RPS6KA2: variants seen among roughly 807,000 people sequenced by gnomAD.
The protein encoded by RPS6KA2 is ribosomal protein S6 kinase A2.
In RPS6KA2, 42 loss-of-function variants were observed where a neutral mutation model predicts 91.8. The ratio of observed to expected loss-of-function variants is 0.46; its 90% CI spans 0.36 to 0.59. The LOEUF is 0.59. Among genes scored for constraint, RPS6KA2 ranks in the 20% least tolerant of loss-of-function variants. RPS6KA2 has a pLI of 0.00. For synonymous variants in RPS6KA2, 414 were observed against 393.6 expected (o/e 1.05, Z -0.61); for missense variants, 798 against 978.5 (o/e 0.82, Z 2.46).
At chr6:166,496,592 C>G (rs2128476195) in intron 8 of RPS6KA2, among the ~76,000 whole-genome samples, 1 of 152,074 alleles carries the variant, frequency 6.6e-6, no homozygotes, top group Non-Finnish European at 1.5e-5. Context: ...TCCAGCCTGG[C>G]CTCTTGTTCT....
At chr6:166,452,433 A>C (rs544794366) in intron 12 of RPS6KA2, among the ~76,000 whole-genome samples, 1 of 152,316 alleles carries the variant, frequency 6.6e-6, no homozygotes, top group Non-Finnish European at 1.5e-5. Flanking sequence ...TCTCTATCAA[A>C]AAACCAACGT....
In RPS6KA2 at chr6:166,733,933, A is replaced by C. The variant is rs1790602492; in HGVS notation, c.123+124267T>G. Among the ~76,000 whole-genome samples the C allele has an allele frequency of 1.3e-5, 2 of 152,236 alleles. No homozygotes were observed. Among genetic ancestry groups the C allele is most frequent in the African/African-American group, 2.4e-5 (1 of 41,464 alleles). Reference sequence around the variant, plus strand: ...TTTCTAAGGAAACTGTAGGGTGTGGAGTAGGATCACTGCTAGGGTGTGGGA... The same window carrying C: ...TTTCTAAGGAAACTGTAGGGTGTGGCGTAGGATCACTGCTAGGGTGTGGGA... On this transcript the variant is annotated intron_variant, in intron 2 of 21. Transcript: ENST00000503859. The surrounding 1 kb of genome is among the most constrained non-coding windows in gnomAD (Gnocchi z 4.1).
At chr6:166,447,231 T>C (rs113810697) in intron 14 of RPS6KA2, among the ~76,000 whole-genome samples, 228 of 152,294 alleles carry the variant, frequency 1.5e-3, no homozygotes, top group African/African-American at 5.3e-3. Context: ...CATTCTACCA[T>C]GACAGTAACC....
intron 2 of RPS6KA2, among the ~76,000 whole-genome samples, chr6:166,780,327 C>T (rs1778736595): frequency 6.6e-6 from 1 of 152,184 alleles, no homozygotes; most frequent in Admixed American, 6.5e-5. Context: ...GGCACAGAAA[C>T]AGGTGCATGG....
At chr6:166,526,763 G>A (rs1382896630) in intron 3 of RPS6KA2, among the ~76,000 whole-genome samples, 1 of 152,186 alleles carries the variant, frequency 6.6e-6, no homozygotes. Flanking sequence ...CATTTCTGTT[G>A]AAAACTTGCA....
intron 12 of RPS6KA2, among the ~76,000 whole-genome samples, chr6:166,451,529 A>G (rs938451710): frequency 2.0e-5 from 3 of 152,194 alleles, no homozygotes; most frequent in African/African-American, 7.2e-5. Flanking sequence ...TTAGTTTGCC[A>G]ACTTCTGAAT....
Position 166,723,384 on chromosome 6 carries a change from G to GT in RPS6KA2, c.123+134815dup, listed in dbSNP as rs1312936306. ...TCCTCACCCCAGGGGGGTCCCACAC[G>GT]TGTGCACCGCCTTCCTTACCCCTGG... On this transcript the variant is annotated intron_variant, in intron 2 of 21. Coordinates refer to the RPS6KA2 transcript ENST00000503859. Among the ~76,000 whole-genome samples the GT allele has an allele frequency of 3.9e-5, 6 of 152,254 alleles. No homozygotes were observed. The South Asian group carries it at 6.2e-4, about 16-fold the overall frequency.
chr6:166,483,133 C>T (rs964863751), intron 10 of RPS6KA2, among the ~76,000 whole-genome samples: 1 of 152,222 alleles, frequency 6.6e-6, no homozygotes, highest in Non-Finnish European at 1.5e-5. Flanking sequence ...ATGTTTGTGC[C>T]ACACCAGGTA....
intron 2 of RPS6KA2, among the ~76,000 whole-genome samples, chr6:166,802,883 A>T (rs1189687082): frequency 1.3e-5 from 2 of 152,044 alleles, no homozygotes; most frequent in Non-Finnish European, 2.9e-5. Flanking sequence ...TTTAAATGAT[A>T]ATCTTCATGA....
intron 2 of RPS6KA2, among the ~76,000 whole-genome samples, chr6:166,850,710 G>A (rs141851347): frequency 3.7e-4 from 57 of 152,280 alleles, no homozygotes; most frequent in African/African-American, 1.3e-3. Flanking sequence ...GCGGCTCAGC[G>A]GGAAGCCAGG....
chr6:166,738,429 C>T (rs538739897), intron 2 of RPS6KA2, among the ~76,000 whole-genome samples: 78 of 152,220 alleles, frequency 5.1e-4, no homozygotes, highest in African/African-American at 1.7e-3. Context: ...GAGCAGAGAC[C>T]CTACAGCAGG....
intron 2 of RPS6KA2, among the ~76,000 whole-genome samples, chr6:166,717,737 A>G (rs1242421964): frequency 6.6e-6 from 1 of 152,142 alleles, no homozygotes; most frequent in East Asian, 1.9e-4. Context: ...ATGACCCAGA[A>G]ATTTTACCAG....
intron 5 of RPS6KA2, among the ~76,000 whole-genome samples, chr6:166,505,543 C>G (rs1426786579): frequency 6.6e-6 from 1 of 152,244 alleles, no homozygotes; most frequent in Non-Finnish European, 1.5e-5. Flanking sequence ...TTACTGAATT[C>G]TCTCCGGTAA....
At chr6:166,782,001 C>G (rs1778785908) in intron 2 of RPS6KA2, among the ~76,000 whole-genome samples, 1 of 152,198 alleles carries the variant, frequency 6.6e-6, no homozygotes, top group Admixed American at 6.5e-5. Context: ...CCAAAAATGT[C>G]TCTAGAGGCC....
At chr6:166,717,807 G>C (rs965542671) in intron 2 of RPS6KA2, among the ~76,000 whole-genome samples, 1 of 151,892 alleles carries the variant, frequency 6.6e-6, no homozygotes, top group African/African-American at 2.4e-5. Flanking sequence ...ATTTTTCGCC[G>C]ATGATTGTTT....
chr6:166,827,494 GT>G (rs1340370208), intron 2 of RPS6KA2, among the ~76,000 whole-genome samples: 1 of 151,976 alleles, frequency 6.6e-6, no homozygotes, highest in Non-Finnish European at 1.5e-5. Context: ...TATATACATA[GT>G]TTACTATGGC....
At chr6:166,731,037 GT>G in intron 2 of RPS6KA2, among the ~76,000 whole-genome samples, 1 of 152,330 alleles carries the variant, frequency 6.6e-6, no homozygotes. Context: ...GAGGTCGGGC[GT>G]TTGAGACCAG....
Position 166,500,081 on chromosome 6 carries a change from A to G in RPS6KA2, c.604+806T>C, listed in dbSNP as rs1324306443. On this transcript the variant is annotated intron_variant, in intron 7 of 20. Coordinates refer to ENST00000265678, the MANE Select transcript of RPS6KA2 (RefSeq NM_021135.6). The surrounding 1 kb of genome is among the most constrained non-coding windows in gnomAD (Gnocchi z 4.3). ...TGCCTGCTGGCTTCCACCATGGGGG[A>G]CGCAGCCCAGCCAAGGACTGCGGGC... 1.3e-5 allele frequency among the ~76,000 whole-genome samples: 2 copies of G among 152,164 alleles called. No individual in the cohort carries two copies. Among genetic ancestry groups the G allele is most frequent in the Non-Finnish European group, 2.9e-5 (2 of 68,028 alleles).
At chr6:166,807,591 C>G (rs1289973923) in intron 2 of RPS6KA2, among the ~76,000 whole-genome samples, 5 of 151,872 alleles carry the variant, frequency 3.3e-5, no homozygotes, top group African/African-American at 1.2e-4. Flanking sequence ...CAGCCCCATT[C>G]CTACAGAGGC....
Sources: allele counts gnomAD v4.1 joint callset (sites outside exome capture counted in the v4.1 genomes callset), GRCh38; gene constraint gnomAD v4.1.1; non-coding constraint Gnocchi (gnomAD v3.1); transcripts MANE v1.5; gene names NCBI Gene and HGNC (gene_info 2026-07-23, HGNC 2026-07-21).